The following DSC3 variants were observed in gnomAD, a reference collection of about 807,000 sequenced individuals.
DSC3 encodes desmocollin 3, also known as desmocollin-3.
A neutral mutation model predicts 89.5 loss-of-function variants in DSC3; 97 were observed. That is an observed-to-expected ratio of 1.08 (90% CI 0.92 to 1.28). The LOEUF is 1.28. Among genes scored for constraint, DSC3 ranks in the 50% most tolerant of loss-of-function variants. DSC3 has a pLI of 0.00. For synonymous variants in DSC3, 436 were observed against 384.1 expected (o/e 1.14, Z -1.58); for missense variants, 1,199 against 1,085.3 (o/e 1.10, Z -1.47).
In DSC3 at chr18:31,018,809, A is replaced by G; in HGVS notation, c.943-9T>C. ...GAGTACTTGTCTACAACCTGGAAAC[A>G]AAGCAAATATTTAACTAGTCTTGAA... On this transcript the variant is annotated splice_polypyrimidine_tract_variant and intron_variant, in intron 7 of 15. Transcript: ENST00000360428. 1 of 1,613,230 alleles carries G rather than the reference A, an allele frequency of 6.2e-7. No individual in the cohort carries two copies. Among genetic ancestry groups the G allele is most frequent in the Non-Finnish European group, 8.5e-7 (1 of 1,179,816 alleles).
intron 1 of DSC3, among the ~76,000 whole-genome samples, chr18:31,037,948 T>G (rs1190191421): frequency 6.6e-6 from 1 of 152,176 alleles, no homozygotes; most frequent in Non-Finnish European, 1.5e-5. Flanking sequence ...ATGAATTCTA[T>G]GAATTCTTTT....
chr18:31,020,014 C>T (rs767677136), intron 7 of DSC3, among the ~76,000 whole-genome samples: 1 of 151,932 alleles, frequency 6.6e-6, no homozygotes, highest in African/African-American at 2.4e-5. Flanking sequence ...TGCAGGAGAA[C>T]GATTCTCGGA....
chr18:31,025,124 T>TC (rs1985553593), intron 5 of DSC3, among the ~76,000 whole-genome samples: 2 of 152,192 alleles, frequency 1.3e-5, no homozygotes, highest in African/African-American at 2.4e-5. Context: ...TCCTTCTTTT[T>TC]TGTAGGAACA....
chr18:31,041,026 T>A (rs993912184), intron 1 of DSC3, among the ~76,000 whole-genome samples: 17 of 150,750 alleles, frequency 1.1e-4, no homozygotes, highest in Non-Finnish European at 2.9e-5. Context: ...CTTAAACGAG[T>A]ATGTGCTAGA....
chr18:31,016,625 T>C (rs898805166), intron 9 of DSC3, among the ~76,000 whole-genome samples: 1 of 152,128 alleles, frequency 6.6e-6, no homozygotes, highest in Non-Finnish European at 1.5e-5. Flanking sequence ...GATTTGGCTC[T>C]TCAGATTCAG....
At chr18:31,024,322 T>A in intron 6 of DSC3, 27 bp downstream of exon 6, 1 of 1,545,242 alleles carries the variant, frequency 6.5e-7, no homozygotes, top group South Asian at 1.2e-5. Flanking sequence ...TTAAAATGAT[T>A]CTTTTTATTC....
chr18:31,015,988 A>AT (rs998896520), intron 9 of DSC3, among the ~76,000 whole-genome samples: 2 of 152,184 alleles, frequency 1.3e-5, no homozygotes, highest in African/African-American at 4.8e-5. Flanking sequence ...GTTGACCTCA[A>AT]TGCTCATTAT....
At chr18:30,995,971 TAAAA>T (rs1196444633) in intron 15 of DSC3, among the ~76,000 whole-genome samples, 6 of 37,020 alleles carry the variant, frequency 1.6e-4, no homozygotes, top group African/African-American at 4.0e-4. Context: ...GACCCTGCCT[TAAAA>T]AAAAAAAAAA....
Position 31,032,223 on chromosome 18 carries a change from A to G in DSC3, c.123T>C (p.Ser41=). Residue 41 remains serine (S), a synonymous_variant, in exon 2 of 16, where the codon TCT becomes TCC. Coordinates refer to ENST00000360428, the MANE Select transcript of DSC3 (RefSeq NM_001941.5). ...ACKKVILNVP[S]KLEADKIIGR... ...CAATTATTTTGTCTGCCTCTAGTTTAGAAGGTACATTAAGTATCACCTTTT... is the reference window on the plus strand; with the variant it reads ...CAATTATTTTGTCTGCCTCTAGTTTGGAAGGTACATTAAGTATCACCTTTT... 6.2e-7 allele frequency: 1 copy of G among 1,613,796 alleles called. No individual in the cohort carries two copies.
intron 15 of DSC3, among the ~76,000 whole-genome samples, chr18:30,995,996 A>AAAAAAAAAAAAAAAAAGAAAG (rs1555631968): frequency 7.3e-6 from 1 of 136,410 alleles, no homozygotes; most frequent in African/African-American, 3.0e-5. Context: ...AAAAAAAAAA[A>AAAAAAAAAAAAAAAAAGAAAG]AAAGAAAAGA....
At chr18:31,022,771 G>T (rs1985466928) in intron 6 of DSC3, among the ~76,000 whole-genome samples, 1 of 152,012 alleles carries the variant, frequency 6.6e-6, no homozygotes, top group Non-Finnish European at 1.5e-5. Flanking sequence ...TTAGTTAAAT[G>T]GCAATCAAAA....
rs1984162516 is a variant in DSC3 at position 30,989,527 on chromosome 18, G to A, written c.*4648C>T. Among the ~76,000 whole-genome samples, 1 of 152,066 alleles carries A rather than the reference G, an allele frequency of 6.6e-6. No homozygotes were observed. Among genetic ancestry groups the A allele is most frequent in the Admixed American group, 6.6e-5 (1 of 15,266 alleles). On this transcript the variant is annotated 3_prime_UTR_variant, in exon 16 of 16. Coordinates refer to ENST00000360428, the MANE Select transcript of DSC3 (RefSeq NM_001941.5). ...GAAAATGTTCCAGAACTAGATAGTG[G>A]TAACAGTTTCACAACATTTTAAATG...
At position 30,992,815 on chromosome 18, in the gene DSC3, C is replaced by A. The variant is rs1227558632; in HGVS notation, c.*1360G>T. On this transcript the variant is annotated 3_prime_UTR_variant, in exon 16 of 16. Transcript: ENST00000360428. ...ATTCACGCTGAAGGATGGTGGAAAA[C>A]CTGGAGTCACTTAAGGGAATCTCTG... The A allele has an allele frequency of 6.6e-6, 1 of 152,192 alleles. No homozygotes were observed. The highest frequency in any genetic ancestry group is 1.5e-5 in the Non-Finnish European group (1 of 68,044). 9.4% of individuals were successfully genotyped at this position (152,192 alleles called of 1,614,324 possible).
intron 1 of DSC3, among the ~76,000 whole-genome samples, chr18:31,036,368 C>T (rs79701431): frequency 0.038 from 5,843 of 152,214 alleles, 204 homozygotes; most frequent in South Asian, 0.17. Flanking sequence ...ATTCTTCCTC[C>T]TTTAATCACT....
intron 5 of DSC3, among the ~76,000 whole-genome samples, 188 bp downstream of exon 5, chr18:31,025,572 C>T (rs1985568850): frequency 1.3e-5 from 2 of 152,106 alleles, no homozygotes; most frequent in African/African-American, 2.4e-5. Context: ...TCATTTCAGG[C>T]TTACCTAACA....
chr18:31,024,487 C>T lies in DSC3; in HGVS notation c.637G>A (p.Ala213Thr). 2 of 1,612,406 alleles carry T rather than the reference C, an allele frequency of 1.2e-6. No homozygotes were observed. Among genetic ancestry groups the T allele is most frequent in the Non-Finnish European group, 1.7e-6 (2 of 1,179,218 alleles). ...REEYDVFDLI[A>T]YASTADGYSA... ...TATCCATCTGCAGTTGACGCATAAGCAATCAACTGCAAAATAGCAAAAAGA... is the reference window on the plus strand; with the variant it reads ...TATCCATCTGCAGTTGACGCATAAGTAATCAACTGCAAAATAGCAAAAAGA... The change falls in exon 6 of 16, where the codon GCT becomes ACT. Residue 213 changes from alanine (A) to threonine (T), a missense_variant. By Grantham distance (58) the Ala-to-Thr change is moderately conservative. Coordinates refer to ENST00000360428, the MANE Select transcript of DSC3 (RefSeq NM_001941.5).
chr18:31,009,105 C>G (rs1345544348), intron 9 of DSC3, among the ~76,000 whole-genome samples: 1 of 152,128 alleles, frequency 6.6e-6, no homozygotes, highest in African/African-American at 2.4e-5. Context: ...GGCTGGAGAG[C>G]AGTGGCGCAA....
chr18:31,018,442 A>G (rs1598542063), intron 8 of DSC3, among the ~76,000 whole-genome samples, 186 bp from the exon 9 acceptor site: 1 of 152,204 alleles, frequency 6.6e-6, no homozygotes, highest in East Asian at 1.9e-4. Context: ...TTCATTACAA[A>G]TGAAGACTCA....
chr18:30,996,147 T>C (rs929291042), intron 15 of DSC3, among the ~76,000 whole-genome samples: 1 of 152,028 alleles, frequency 6.6e-6, no homozygotes, highest in Admixed American at 6.6e-5. Context: ...ATTTAAAATA[T>C]GTCCTGCAAT....
Sources: allele counts gnomAD v4.1 joint callset (sites outside exome capture counted in the v4.1 genomes callset), GRCh38; gene constraint gnomAD v4.1.1; transcripts MANE v1.5; gene names NCBI Gene and HGNC (gene_info 2026-07-23, HGNC 2026-07-21).